The following IMMP2L variants were observed in gnomAD, a reference collection of about 807,000 sequenced individuals.
IMMP2L encodes mitochondrial inner membrane protease subunit 2.
A neutral mutation model predicts 19.3 loss-of-function variants in IMMP2L; 18 were observed. That is an observed-to-expected ratio of 0.93 (90% confidence interval 0.64 to 1.38). The LOEUF is 1.38. Ranked by LOEUF, IMMP2L falls within the 40% of genes most tolerant of loss-of-function variation. IMMP2L has a pLI of 0.00. For synonymous variants in IMMP2L, 76 were observed against 73.0 expected (o/e 1.04, Z -0.21); for missense variants, 233 against 218.2 (o/e 1.07, Z -0.43).
At chr7:111,551,688 CACCATCACTACCACCTCAGCAAAAT>C (rs1266433123) in intron 1 of IMMP2L, among the ~76,000 whole-genome samples, 29 of 152,002 alleles carry the variant, frequency 1.9e-4, no homozygotes, top group African/African-American at 6.8e-4. Context: ...GATCCACCAC[CACCATCACTACCACCTCAGCAAAAT>C]ACAACCTTCT....
chr7:111,430,952 CA>C (rs1251732118), intron 3 of IMMP2L, among the ~76,000 whole-genome samples: 1 of 151,648 alleles, frequency 6.6e-6, no homozygotes, highest in Non-Finnish European at 1.5e-5. Flanking sequence ...ACTAAAAATA[CA>C]AAAATTAGTC....
At chr7:111,305,895 C>A (rs548603596) in intron 3 of IMMP2L, among the ~76,000 whole-genome samples, 4 of 152,204 alleles carry the variant, frequency 2.6e-5, no homozygotes, top group African/African-American at 9.6e-5. Flanking sequence ...ATTAGGTAAA[C>A]TAGCTTCTGA....
rs375031298 is a variant in IMMP2L at position 111,006,816 on chromosome 7, C to G, written c.240-43251G>C. 6.8e-4 allele frequency among the ~76,000 whole-genome samples: 103 copies of G among 152,266 alleles called. 3 individuals are homozygous for G. In the South Asian group the frequency reaches 0.018, roughly 27 times the overall value. On this transcript the variant is annotated intron_variant, in intron 3 of 5. Transcript: ENST00000405709. ...ATCCCCCTTCTTTTACCTAGCCAAGCAAACCACTCTAAGAATTCCCTTTCC... is the reference window on the plus strand; with the variant it reads ...ATCCCCCTTCTTTTACCTAGCCAAGGAAACCACTCTAAGAATTCCCTTTCC...
At position 110,692,475 on chromosome 7, in the gene IMMP2L, T is replaced by G. The variant is rs1336430975; in HGVS notation, c.409-28754A>C. ...TTCATTCATGTAATCAAAAGCCACT[T>G]GTACCCCTAAAGCTATTGAAATAAA... On this transcript the variant is annotated intron_variant, in intron 5 of 5. Coordinates refer to ENST00000405709, the MANE Select transcript of IMMP2L (RefSeq NM_032549.4). 1.3e-4 allele frequency among the ~76,000 whole-genome samples: 20 copies of G among 150,928 alleles called. No homozygotes were observed. The Admixed American group carries it at 1.3e-3, about 10-fold the overall frequency.
At chr7:110,927,243 A>G (rs1814956420) in intron 4 of IMMP2L, among the ~76,000 whole-genome samples, 1 of 151,922 alleles carries the variant, frequency 6.6e-6, no homozygotes, top group Admixed American at 6.6e-5. Context: ...AACATATATA[A>G]GGAGTTCAAC....
At chr7:111,274,379 CT>C (rs1818797080) in intron 3 of IMMP2L, among the ~76,000 whole-genome samples, 1 of 152,136 alleles carries the variant, frequency 6.6e-6, no homozygotes, top group Admixed American at 6.5e-5. Context: ...AATTATTTTA[CT>C]TTACTTGAGC....
chr7:110,940,441 AG>A (rs1164706109), intron 4 of IMMP2L, among the ~76,000 whole-genome samples: 1 of 152,210 alleles, frequency 6.6e-6, no homozygotes, highest in East Asian at 1.9e-4. Flanking sequence ...TCTCAGAAAT[AG>A]AAAGGATCTT....
chr7:111,078,331 T>C (rs7778044), intron 3 of IMMP2L, among the ~76,000 whole-genome samples: 22,294 of 152,204 alleles, frequency 0.15, 1,782 homozygotes, highest in Middle Eastern at 0.22. Flanking sequence ...GAAAGCAATC[T>C]GTATAATATA....
At chr7:111,304,541 G>GTA (rs1392946969) in intron 3 of IMMP2L, among the ~76,000 whole-genome samples, 4 of 151,720 alleles carry the variant, frequency 2.6e-5, no homozygotes, top group Admixed American at 6.6e-5. Flanking sequence ...TATAACGTGT[G>GTA]TATATATATG....
At chr7:110,797,813 C>T (rs1800959899) in intron 5 of IMMP2L, among the ~76,000 whole-genome samples, 1 of 151,930 alleles carries the variant, frequency 6.6e-6, no homozygotes, top group South Asian at 2.1e-4. Flanking sequence ...AGAAAGAAAA[C>T]ACATGAAGGA....
At chr7:111,197,882 T>G (rs1195235940) in intron 3 of IMMP2L, among the ~76,000 whole-genome samples, 1 of 152,210 alleles carries the variant, frequency 6.6e-6, no homozygotes, top group Admixed American at 6.5e-5. Context: ...CTTCAGACTT[T>G]AGAATTGTCA....
rs181625425 is a variant in IMMP2L at position 111,174,213 on chromosome 7, C to A, written c.240-210648G>T. 9.2e-5 allele frequency among the ~76,000 whole-genome samples: 14 copies of A among 151,770 alleles called. 1 individual carries two copies. The highest frequency in any genetic ancestry group is 5.9e-5 in the Non-Finnish European group (4 of 67,718). On this transcript the variant is annotated intron_variant, in intron 3 of 5. Transcript: ENST00000405709. ...CACAGAGACTTTTACTATTTCACAACTGAACAACTCTAAAAGTTTCAGTCC... is the reference window on the plus strand; with the variant it reads ...CACAGAGACTTTTACTATTTCACAAATGAACAACTCTAAAAGTTTCAGTCC...
chr7:111,390,470 C>A (rs1181331040), intron 3 of IMMP2L: 1 of 152,164 alleles, frequency 6.6e-6, no homozygotes, highest in South Asian at 2.1e-4. Context: ...GATATAGGCA[C>A]ATTTTATAAT....
At chr7:111,161,027 G>T (rs1483086436) in intron 3 of IMMP2L, among the ~76,000 whole-genome samples, 1 of 151,308 alleles carries the variant, frequency 6.6e-6, no homozygotes, top group East Asian at 1.9e-4. Context: ...AAATATAGTC[G>T]ATCTCAACAA....
intron 3 of IMMP2L, among the ~76,000 whole-genome samples, chr7:111,128,098 A>G (rs1315309040): frequency 6.6e-6 from 1 of 152,170 alleles, no homozygotes; most frequent in Non-Finnish European, 1.5e-5. Context: ...CTAATTAGAC[A>G]AAAAGTTTTT....
At chr7:111,296,353 A>G (rs1203267296) in intron 3 of IMMP2L, among the ~76,000 whole-genome samples, 1 of 151,974 alleles carries the variant, frequency 6.6e-6, no homozygotes, top group Non-Finnish European at 1.5e-5. Context: ...AAAGTTAAAA[A>G]CTGATAATAC....
chr7:111,097,942 T>C (rs1251206914), intron 3 of IMMP2L, among the ~76,000 whole-genome samples: 2 of 151,760 alleles, frequency 1.3e-5, no homozygotes, highest in Non-Finnish European at 2.9e-5. Context: ...GCCCAAGGCA[T>C]TGAGAACAAA....
Position 111,265,089 on chromosome 7 carries a change from C to T in IMMP2L, c.239+222149G>A, listed in dbSNP as rs909321352. Among the ~76,000 whole-genome samples the T allele has an allele frequency of 1.4e-4, 21 of 152,130 alleles. 1 individual carries two copies. The highest frequency in any genetic ancestry group is 7.2e-4 in the Admixed American group (11 of 15,266). ...CAAAGAGCTGTGGGATAATTTAGTACTAATCTAAAGAGATAGACAACATTT... is the reference window on the plus strand; with the variant it reads ...CAAAGAGCTGTGGGATAATTTAGTATTAATCTAAAGAGATAGACAACATTT... On this transcript the variant is annotated intron_variant, in intron 3 of 5. Transcript: ENST00000405709.
chr7:110,904,967 T>C (rs1050861858), intron 4 of IMMP2L, among the ~76,000 whole-genome samples: 4 of 152,222 alleles, frequency 2.6e-5, no homozygotes, highest in Non-Finnish European at 5.9e-5. Context: ...CTTACAATTA[T>C]ATTCTTTTCA....
Sources: gnomAD v4.1 joint callset for allele counts (sites outside exome capture counted in the v4.1 genomes callset) on GRCh38, gnomAD v4.1.1 for gene constraint, MANE v1.5 for transcripts, NCBI Gene and HGNC (gene_info 2026-07-23, HGNC 2026-07-21) for gene names.